PBDC1: variants seen among roughly 807,000 people sequenced by gnomAD.
The protein encoded by PBDC1 is protein PBDC1.
PBDC1 carries 3 observed loss-of-function variants against 12.0 expected under a neutral mutation model. The observed-to-expected ratio is 0.25, with a 90% CI of 0.11 to 0.64. The LOEUF is 0.64. Among genes scored for constraint, PBDC1 ranks in the 30% least tolerant of loss-of-function variants. PBDC1 has a pLI of 0.84. For missense variants in PBDC1, 162 were observed against 168.1 expected, an observed-to-expected ratio of 0.96 and a Z score of 0.20; for synonymous variants, 64 against 56.4, an observed-to-expected ratio of 1.13 and a Z score of -0.60.
In PBDC1 at chrX:76,178,132, T is replaced by G; in HGVS notation, c.*224T>G. 2.0e-6 allele frequency: 1 copy of G among 490,592 alleles called. No homozygotes were observed. The highest frequency in any genetic ancestry group is 3.2e-6 in the Non-Finnish European group (1 of 314,981). The allele number at this position is 490,592 out of a possible 1,213,427, so 40.4% of individuals were successfully genotyped here. ...GGGTGTTAGTTGATTTTTCCTGGTA[T>G]ACTGTTTCTTGGCTGACACTACTGG... On this transcript the variant is annotated 3_prime_UTR_variant, in exon 6 of 6. Coordinates refer to ENST00000373358, the MANE Select transcript of PBDC1 (RefSeq NM_016500.5).
At chrX:76,175,001 T>TAAGCAGAGC in intron 3 of PBDC1, 52 bp downstream of exon 3, 2 of 877,818 alleles carry the variant, frequency 2.3e-6, no homozygotes, top group Non-Finnish European at 3.4e-6. Context: ...AATTATAGTG[T>TAAGCAGAGC]ATGATGCTCT....
At chrX:76,173,533 C>T (rs375159530) in intron 1 of PBDC1, 52 bp from the exon 2 acceptor site, 1 of 997,670 alleles carries the variant, frequency 1.0e-6, no homozygotes. Flanking sequence ...TTGGGGGGAG[C>T]CACCGCGCCC....
Position 76,173,577 on chromosome X carries a change from C to G in PBDC1, c.31-8C>G. The G allele has an allele frequency of 8.4e-7, 1 of 1,188,869 alleles. No homozygotes were observed. On this transcript the variant is annotated splice_polypyrimidine_tract_variant and splice_region_variant and intron_variant, in intron 1 of 5. Coordinates refer to ENST00000373358, the MANE Select transcript of PBDC1 (RefSeq NM_016500.5). Reference sequence around the variant, plus strand: ...GGGGAGCCTTGAACTCTTTTTCCTCCTTTCTAGGTTTCCGGGGAGTTGGTG... The same window carrying G: ...GGGGAGCCTTGAACTCTTTTTCCTCGTTTCTAGGTTTCCGGGGAGTTGGTG...
In PBDC1 at chrX:76,175,568, A is replaced by G. The variant is rs1556796853; in HGVS notation, c.252A>G (p.Ile84Met). The change falls in exon 4 of 6, where the codon ATA (isoleucine) becomes ATG (methionine). Residue 84 changes from isoleucine to methionine, a missense_variant. Ile to Met is a conservative substitution (Grantham distance 10). This residue lies in a region of PBDC1 where 21 missense variants were observed against 43.4 expected (regional missense o/e 0.48). Transcript: ENST00000373358. ...EFRKNFETLR[I>M]DVLDPEELKS... ...GGAAAAATTTTGAGACCCTTAGGAT[A>G]GATGTGTTGGACCCAGAAGAACTCA... 1 of 1,205,998 alleles carries G rather than the reference A, an allele frequency of 8.3e-7. No individual in the cohort carries two copies. Among genetic ancestry groups the G allele is most frequent in the Non-Finnish European group, 1.1e-6 (1 of 892,247 alleles).
rs1556797030 is a variant in PBDC1 at position 76,176,983 on chromosome X, A to G, written c.400A>G (p.Thr134Ala). Residue 134 changes from threonine to alanine, a missense_variant, in exon 5 of 6, where the codon ACC becomes GCC. Thr to Ala is a moderately conservative substitution (Grantham distance 58). Around this residue, in one of 3 missense-constraint regions of PBDC1, gnomAD observed 100 missense variants for 96.2 expected, o/e 1.04. Coordinates refer to ENST00000373358, the MANE Select transcript of PBDC1 (RefSeq NM_016500.5). ...TTCTCAGGGCTACACTGAGGAAAAC[A>G]CCATCTTTGGTGAGTTTCTTCCCTC... is the stretch of plus-strand genomic sequence containing the variant. ...DCSQGYTEEN[T>A]IFAPRIQFFA... 1 of 1,175,593 alleles carries G rather than the reference A, an allele frequency of 8.5e-7. No individual in the cohort carries two copies.
At chrX:76,174,791 C>T (rs782611360) in intron 2 of PBDC1, 99 bp from the exon 3 acceptor site, 1 of 618,081 alleles carries the variant, frequency 1.6e-6, no homozygotes, top group South Asian at 2.6e-5. Context: ...GTTTGGTAGC[C>T]CTCTTGAGCA....
At chrX:76,176,440 C>T (rs1185151156) in intron 4 of PBDC1, among the ~76,000 whole-genome samples, 3 of 111,512 alleles carry the variant, frequency 2.7e-5, no homozygotes, top group African/African-American at 9.8e-5. Context: ...CAGGCGTGAG[C>T]CACCACACCC....
At chrX:76,175,929 G>C (rs1556796883) in intron 4 of PBDC1, among the ~76,000 whole-genome samples, 1 of 110,880 alleles carries the variant, frequency 9.0e-6, no homozygotes, top group African/African-American at 3.3e-5. Flanking sequence ...TGGCAAATAG[G>C]GTATAGGAAG....
At chrX:76,176,398 G>C (rs1337500596) in intron 4 of PBDC1, among the ~76,000 whole-genome samples, 4 of 111,022 alleles carry the variant, frequency 3.6e-5, no homozygotes, top group Non-Finnish European at 7.5e-5. Flanking sequence ...CAAGCGATCC[G>C]CCCGCCTCGG....
chrX:76,173,207 G>C (rs782478502), intron 1 of PBDC1, 39 bp downstream of exon 1: 19 of 1,077,283 alleles, frequency 1.8e-5, no homozygotes, highest in Non-Finnish European at 2.3e-5. Context: ...TGGGGAGGTC[G>C]AGCCAGGTGG....
intron 5 of PBDC1, 50 bp from the exon 6 acceptor site, chrX:76,177,566 T>A: frequency 9.1e-7 from 1 of 1,098,909 alleles, no homozygotes; most frequent in Non-Finnish European, 1.2e-6. Context: ...AAAAGAGATT[T>A]AGGGAATAAG....
chrX:76,173,516 A>C (rs187309183), intron 1 of PBDC1, 69 bp from the exon 2 acceptor site: 2 of 807,184 alleles, frequency 2.5e-6, no homozygotes, highest in East Asian at 3.4e-5. Context: ...AGTCACTGCG[A>C]CTGGCCTTGG....
intron 2 of PBDC1, among the ~76,000 whole-genome samples, chrX:76,174,338 C>T: frequency 9.0e-6 from 1 of 111,265 alleles, no homozygotes; most frequent in Non-Finnish European, 1.9e-5. Flanking sequence ...AGCTCGGTCT[C>T]GTTGGAATGG....
Position 76,178,263 on chromosome X carries a change from T to A in PBDC1, c.*355T>A, listed in dbSNP as rs1165187711. 2.6e-5 allele frequency: 7 copies of A among 270,356 alleles called. No individual in the cohort carries two copies. The highest frequency in any genetic ancestry group is 4.5e-5 in the Non-Finnish European group (7 of 154,448). The allele number at this position is 270,356 out of a possible 1,213,427, so 22.3% of individuals were successfully genotyped here. ...CTTGAAATTTTTTTCAAATATGTAATCTCATCACCATGTCTTATATAAGAT... is the reference window on the plus strand; with the variant it reads ...CTTGAAATTTTTTTCAAATATGTAAACTCATCACCATGTCTTATATAAGAT... On this transcript the variant is annotated 3_prime_UTR_variant, in exon 6 of 6. Transcript: ENST00000373358.
At chrX:76,176,789 T>C in intron 4 of PBDC1, 92 bp from the exon 5 acceptor site, 1 of 568,917 alleles carries the variant, frequency 1.8e-6, no homozygotes, top group South Asian at 2.7e-5. Flanking sequence ...CTATGATTAT[T>C]TTCCTTACTG....
chrX:76,174,659 A>G (rs1161011103), intron 2 of PBDC1, among the ~76,000 whole-genome samples: 3 of 112,311 alleles, frequency 2.7e-5, no homozygotes, highest in African/African-American at 9.7e-5. Context: ...CTGGGAAAAG[A>G]TAGCCGGTGG....
chrX:76,175,673 TG>T, intron 4 of PBDC1, 60 bp downstream of exon 4: 2 of 942,587 alleles, frequency 2.1e-6, no homozygotes, highest in Non-Finnish European at 1.4e-6. Context: ...TGATTGCGAA[TG>T]TTTTTTTACA....
At position 76,178,185 on chromosome X, in the gene PBDC1, CT is replaced by C. The variant is rs1924839832; in HGVS notation, c.*281del. ...AAGTAAGAAATTTGTAAATAAATTT[CT>C]TTTGGTTCTTATTATCTATATCTGT... On this transcript the variant is annotated 3_prime_UTR_variant, in exon 6 of 6. Transcript: ENST00000373358. 1 of 361,558 alleles carries C rather than the reference CT, an allele frequency of 2.8e-6. No individual in the cohort carries two copies. Among genetic ancestry groups the C allele is most frequent in the Admixed American group, 5.3e-5 (1 of 18,843 alleles). 29.8% of individuals were successfully genotyped at this position (361,558 alleles called of 1,213,427 possible).
intron 2 of PBDC1, 105 bp downstream of exon 2, chrX:76,173,755 A>T (rs1391758287): frequency 6.9e-6 from 3 of 437,695 alleles, no homozygotes; most frequent in Non-Finnish European, 1.1e-5. Flanking sequence ...AATCTACTGC[A>T]GACCCTCTCC....
Sources: gnomAD v4.1 joint callset for allele counts (sites outside exome capture counted in the v4.1 genomes callset) on GRCh38, gnomAD v4.1.1 for gene constraint, gnomAD v4.1.1 regional missense constraint, MANE v1.5 for transcripts, NCBI Gene and HGNC (gene_info 2026-07-23, HGNC 2026-07-21) for gene names.